Variants in MAGI2 observed in about 807,000 individuals in gnomAD.
MAGI2 encodes membrane associated guanylate kinase, WW and PDZ domain containing 2, also known as membrane-associated guanylate kinase, WW and PDZ domain-containing protein 2.
A neutral mutation model predicts 133.3 loss-of-function variants in MAGI2; 35 were observed. The ratio of observed to expected loss-of-function variants is 0.26; its 90% CI spans 0.20 to 0.35. The LOEUF is 0.35. Ranked by LOEUF, MAGI2 falls within the 10% of genes least tolerant of loss-of-function variation. The pLI is 1.00. For synonymous variants in MAGI2, 729 were observed against 710.6 expected, an observed-to-expected ratio of 1.03 and a Z score of -0.41; for missense variants, 1,636 against 1,863.4, an observed-to-expected ratio of 0.88 and a Z score of 2.25.
At chr7:78,946,402 T>C (rs1175682405) in intron 2 of MAGI2, among the ~76,000 whole-genome samples, 1 of 152,212 alleles carries the variant, frequency 6.6e-6, no homozygotes, top group East Asian at 1.9e-4. Flanking sequence ...GTTGATCTCT[T>C]ATTGGTATAT....
intron 20 of MAGI2, among the ~76,000 whole-genome samples, chr7:78,125,012 C>T (rs745738885): frequency 1.3e-4 from 20 of 152,074 alleles, no homozygotes; most frequent in Admixed American, 5.2e-4. Flanking sequence ...TACAGGCGCC[C>T]GCCACCACGC....
chr7:78,277,222 A>T (rs2151001537), intron 9 of MAGI2, among the ~76,000 whole-genome samples: 1 of 152,280 alleles, frequency 6.6e-6, no homozygotes, highest in East Asian at 1.9e-4. Context: ...AAGTATAGTA[A>T]ACTATGATTT....
At chr7:79,160,447 TA>T (rs1438372350) in intron 1 of MAGI2, among the ~76,000 whole-genome samples, 4 of 152,044 alleles carry the variant, frequency 2.6e-5, no homozygotes, top group African/African-American at 9.7e-5. Flanking sequence ...TGGTATAATA[TA>T]AAGGAATTGT....
At chr7:78,916,404 T>C (rs1798799186) in intron 2 of MAGI2, among the ~76,000 whole-genome samples, 3 of 152,122 alleles carry the variant, frequency 2.0e-5, no homozygotes, top group Admixed American at 2.0e-4. Context: ...CTAGGCACTA[T>C]TATAAGTGAT....
intron 2 of MAGI2, among the ~76,000 whole-genome samples, chr7:78,728,929 T>C (rs1028302221): frequency 1.1e-4 from 17 of 152,306 alleles, no homozygotes; most frequent in Middle Eastern, 3.4e-3. Context: ...TTCTGTGGCA[T>C]AGCTCCTAAT....
intron 10 of MAGI2, among the ~76,000 whole-genome samples, chr7:78,202,766 TG>T (rs1187595864): frequency 6.6e-6 from 1 of 151,668 alleles, no homozygotes; most frequent in East Asian, 1.9e-4. Context: ...TTACACTTAA[TG>T]TTTAGGGGTA....
intron 1 of MAGI2, among the ~76,000 whole-genome samples, chr7:79,029,431 AC>A (rs966379015): frequency 6.6e-6 from 1 of 151,730 alleles, no homozygotes; most frequent in East Asian, 1.9e-4. Context: ...TTAAAATAAG[AC>A]CCCCCCAAAC....
At chr7:79,032,627 T>C (rs928549233) in intron 1 of MAGI2, among the ~76,000 whole-genome samples, 122 of 152,232 alleles carry the variant, frequency 8.0e-4, no homozygotes, top group African/African-American at 2.8e-3. Context: ...GAAATGTTAA[T>C]TTTTAAAAAT....
intron 9 of MAGI2, among the ~76,000 whole-genome samples, chr7:78,287,760 C>T (rs957865702): frequency 1.3e-5 from 2 of 152,072 alleles, no homozygotes; most frequent in Non-Finnish European, 2.9e-5. Flanking sequence ...AGTTTCATAG[C>T]AATCATTTAA....
chr7:79,047,534 T>A (rs1812291999), intron 1 of MAGI2, among the ~76,000 whole-genome samples: 1 of 152,138 alleles, frequency 6.6e-6, no homozygotes, highest in Non-Finnish European at 1.5e-5. Context: ...TATGTGTGTA[T>A]GTCTCTGTAA....
intron 2 of MAGI2, among the ~76,000 whole-genome samples, chr7:78,919,187 G>A (rs1799037668): frequency 6.6e-6 from 1 of 152,006 alleles, no homozygotes; most frequent in Non-Finnish European, 1.5e-5. Flanking sequence ...TCTTGTTAAG[G>A]ATGGGAACAA....
intron 20 of MAGI2, among the ~76,000 whole-genome samples, chr7:78,087,238 G>T (rs1199855819): frequency 2.0e-5 from 3 of 152,168 alleles, no homozygotes; most frequent in Admixed American, 2.0e-4. Flanking sequence ...CTGTTCAACA[G>T]ATGGATGAAT....
At chr7:78,605,308 G>T (rs969586460) in intron 3 of MAGI2, among the ~76,000 whole-genome samples, 64 of 152,282 alleles carry the variant, frequency 4.2e-4, no homozygotes, top group African/African-American at 1.5e-3. Context: ...TGCAAGAGAG[G>T]GATGTGTCAA....
intron 21 of MAGI2, among the ~76,000 whole-genome samples, chr7:78,048,185 A>G (rs1414106007): frequency 6.6e-6 from 1 of 152,246 alleles, no homozygotes; most frequent in Non-Finnish European, 1.5e-5. Flanking sequence ...CTGAAATTAA[A>G]TGGCAACCAA....
intron 2 of MAGI2, among the ~76,000 whole-genome samples, chr7:78,743,405 C>CA (rs973905346): frequency 1.1e-4 from 17 of 152,130 alleles, no homozygotes; most frequent in South Asian, 4.1e-4. Flanking sequence ...AGCATTTCAC[C>CA]AAAAAAAGAA....
intron 1 of MAGI2, chr7:79,353,399 G>T: frequency 2.2e-6 from 1 of 452,238 alleles, no homozygotes; most frequent in African/African-American, 2.0e-5. Context: ...TCTTCTCCCA[G>T]ATCCCTTAAT....
chr7:78,339,041 T>C (rs935721034), intron 9 of MAGI2, among the ~76,000 whole-genome samples: 2 of 151,974 alleles, frequency 1.3e-5, no homozygotes, highest in Non-Finnish European at 2.9e-5. Context: ...CCTCCTACTC[T>C]CCTGACTTTG....
chr7:78,564,887 G>A (rs977833870), intron 3 of MAGI2, among the ~76,000 whole-genome samples: 4 of 129,020 alleles, frequency 3.1e-5, no homozygotes, highest in South Asian at 5.5e-4. Context: ...TCCGCCTCCC[G>A]GGTTCAGGCC....
intron 2 of MAGI2, among the ~76,000 whole-genome samples, chr7:78,655,395 G>C (rs762341096): frequency 6.8e-5 from 9 of 132,352 alleles, no homozygotes; most frequent in Non-Finnish European, 3.1e-5. Flanking sequence ...CTCAGCCTTG[G>C]CTTATACAAA....
Sources: allele counts gnomAD v4.1 joint callset (sites outside exome capture counted in the v4.1 genomes callset), GRCh38; gene constraint gnomAD v4.1.1; transcripts MANE v1.5; gene names NCBI Gene and HGNC (gene_info 2026-07-23, HGNC 2026-07-21).